Variants in NKTR observed in about 807,000 individuals in gnomAD.
The protein encoded by NKTR is NK-tumor recognition protein.
NKTR carries 67 observed loss-of-function variants against 156.3 expected under a neutral mutation model. The observed-to-expected ratio is 0.43, with a 90% CI of 0.35 to 0.53. The LOEUF (loss-of-function observed/expected upper bound fraction) is 0.53. Ranked by LOEUF, NKTR falls within the 20% of genes least tolerant of loss-of-function variation. NKTR has a pLI of 0.01. For synonymous variants in NKTR, 640 were observed against 596.6 expected (o/e 1.07, Z -1.06); for missense variants, 1,604 against 1,730.9 (o/e 0.93, Z 1.30).
At position 42,631,331 on chromosome 3, in the gene NKTR, G is replaced by T; in HGVS notation, c.550+15G>T. 6.2e-7 allele frequency: 1 copy of T among 1,611,580 alleles called. No homozygotes were observed. The highest frequency in any genetic ancestry group is 1.1e-5 in the South Asian group (1 of 90,850). On this transcript the variant is annotated intron_variant, in intron 8 of 16. Transcript: ENST00000232978. ...AATAAAAGATGGTAAGAACTTTTTT[G>T]ACAGTAGATGAAGCTAAGATGCAGG...
At chr3:42,629,018 T>TA in intron 6 of NKTR, 1 of 810,480 alleles carries the variant, frequency 1.2e-6, no homozygotes, top group Non-Finnish European at 1.5e-6. Flanking sequence ...AACAAACAAA[T>TA]AAAAATAAAA....
At chr3:42,631,089 C>G (rs1708860379) in intron 7 of NKTR, 82 bp from the exon 8 acceptor site, 1 of 1,550,076 alleles carries the variant, frequency 6.5e-7, no homozygotes, top group South Asian at 1.2e-5. Flanking sequence ...GTGGACATGT[C>G]ATTGATTACA....
chr3:42,606,868 C>CA (rs1422743707), intron 2 of NKTR, among the ~76,000 whole-genome samples: 1 of 150,104 alleles, frequency 6.7e-6, no homozygotes, highest in Non-Finnish European at 1.5e-5. Flanking sequence ...TTTCGTTTGG[C>CA]TTTTTTTTTA....
intron 2 of NKTR, among the ~76,000 whole-genome samples, chr3:42,612,000 C>G (rs1706867966): frequency 6.6e-6 from 1 of 152,172 alleles, no homozygotes. Context: ...ATTCAGGAGG[C>G]TGAGGCAGGA....
chr3:42,634,272 T>A (rs1461346060), intron 10 of NKTR, among the ~76,000 whole-genome samples: 2 of 152,210 alleles, frequency 1.3e-5, no homozygotes, highest in Non-Finnish European at 2.9e-5. Context: ...GAAAATAGTA[T>A]TTAATGTATT....
chr3:42,610,266 A>G (rs933953092), intron 2 of NKTR, among the ~76,000 whole-genome samples: 2 of 152,074 alleles, frequency 1.3e-5, no homozygotes, highest in African/African-American at 2.4e-5. Context: ...ACCGCCTCCC[A>G]AAGTGCTGGG....
chr3:42,638,732 C>G lies in NKTR; in HGVS notation c.3028C>G (p.Arg1010Gly). Residue 1010 changes from arginine to glycine, a missense_variant, in exon 13 of 17, where the codon CGA becomes GGA. By Grantham distance (125) the Arg-to-Gly change is moderately radical. This residue lies in a region of NKTR where 1,255 missense variants were observed against 1,243.7 expected (regional missense o/e 1.01). Transcript: ENST00000232978. ...AGACAAAAAGCATAAGGCTCCAAAA[C>G]GAAAGCAAGCATTTCACTGGCAGCC... ...KKDKKHKAPK[R>G]KQAFHWQPPL... 6.2e-7 allele frequency: 1 copy of G among 1,613,910 alleles called. No homozygotes were observed. Among genetic ancestry groups the G allele is most frequent in the Non-Finnish European group, 8.5e-7 (1 of 1,179,998 alleles).
intron 2 of NKTR, among the ~76,000 whole-genome samples, chr3:42,617,002 C>CT (rs1282020344): frequency 6.6e-6 from 1 of 152,172 alleles, no homozygotes; most frequent in Non-Finnish European, 1.5e-5. Context: ...GCAACCCTCC[C>CT]TGCCTCAGCC....
chr3:42,617,777 T>G, intron 3 of NKTR, 133 bp downstream of exon 3: 1 of 543,360 alleles, frequency 1.8e-6, no homozygotes, highest in Non-Finnish European at 3.3e-6. Context: ...AAAGAGTTAC[T>G]TATACTGACT....
At chr3:42,607,404 T>G (rs891069629) in intron 2 of NKTR, among the ~76,000 whole-genome samples, 12 of 152,206 alleles carry the variant, frequency 7.9e-5, no homozygotes, top group African/African-American at 2.7e-4. Flanking sequence ...CAACAGATTA[T>G]TTATTTAAAA....
At chr3:42,617,128 G>T (rs1707447325) in intron 2 of NKTR, among the ~76,000 whole-genome samples, 1 of 152,116 alleles carries the variant, frequency 6.6e-6, no homozygotes, top group South Asian at 2.1e-4. Context: ...CTTAAAGGAA[G>T]AAAGCTGAAA....
Position 42,639,219 on chromosome 3 carries a change from A to G in NKTR, c.3515A>G (p.Gln1172Arg), listed in dbSNP as rs773594664. The G allele has an allele frequency of 1.9e-6, 3 of 1,614,060 alleles. No individual in the cohort carries two copies. The highest frequency in any genetic ancestry group is 2.2e-5 in the East Asian group (1 of 44,902). ...CAGGATATGGCAACGGAACATCCTC[A>G]AGCAGAGGTAGTAAAACAGGAAAGC... ...LKQDMATEHP[Q>R]AEVVKQESSM... is the part of the protein sequence containing the mutation. The change falls in exon 13 of 17, where the codon CAA becomes CGA. Residue 1172 changes from glutamine to arginine, a missense_variant. Coordinates refer to ENST00000232978, the MANE Select transcript of NKTR (RefSeq NM_005385.4).
intron 6 of NKTR, among the ~76,000 whole-genome samples, chr3:42,626,577 A>G (rs1017135438): frequency 6.6e-6 from 1 of 152,160 alleles, no homozygotes; most frequent in Non-Finnish European, 1.5e-5. Flanking sequence ...TCAGTGACTT[A>G]ACTTCAATGT....
intron 2 of NKTR, among the ~76,000 whole-genome samples, chr3:42,607,969 C>T (rs922072846): frequency 8.4e-4 from 63 of 74,940 alleles, no homozygotes; most frequent in South Asian, 2.3e-3. Context: ...CTGAGTCGCT[C>T]TTTTTTTTTT....
intron 2 of NKTR, among the ~76,000 whole-genome samples, chr3:42,615,028 T>C (rs1707211180): frequency 6.6e-6 from 1 of 152,104 alleles, no homozygotes. Flanking sequence ...AAAGACTTTT[T>C]TTTTTGCTCC....
At chr3:42,611,723 ACT>A (rs1331297799) in intron 2 of NKTR, among the ~76,000 whole-genome samples, 3 of 132,560 alleles carry the variant, frequency 2.3e-5, no homozygotes, top group Non-Finnish European at 4.7e-5. Flanking sequence ...ACAGAGTGAG[ACT>A]CTGTCTCAAA....
Position 42,637,937 on chromosome 3 carries a change from A to C in NKTR, c.2233A>C (p.Thr745Pro). The C allele has an allele frequency of 1.2e-6, 2 of 1,613,932 alleles. No individual in the cohort carries two copies. The highest frequency in any genetic ancestry group is 1.3e-5 in the African/African-American group (1 of 75,050). The change falls in exon 13 of 17, where the codon ACT becomes CCT. Residue 745 changes from threonine to proline, a missense_variant. By Grantham distance (38) the Thr-to-Pro change is conservative. This residue lies in a region of NKTR where 1,255 missense variants were observed against 1,243.7 expected (regional missense o/e 1.01). Coordinates refer to ENST00000232978, the MANE Select transcript of NKTR (RefSeq NM_005385.4). ...ACAGTGTAGTAGATCATCTTCATAT[A>C]CTTCTATTAGCAGTGATGATGGAAG... Reference protein sequence around the residue: ...HSQCSRSSSYTSISSDDGRRA... With the variant: ...HSQCSRSSSYPSISSDDGRRA...
intron 6 of NKTR, chr3:42,626,998 TTTC>T (rs1191109030): frequency 4.6e-6 from 1 of 217,488 alleles, no homozygotes; most frequent in Non-Finnish European, 7.8e-6. Context: ...CCACGATGCT[TTTC>T]TTAAGCATAA....
chr3:42,638,961 A>G lies in NKTR; in HGVS notation c.3257A>G (p.Asp1086Gly). The change falls in exon 13 of 17, where the codon GAT (aspartate) becomes GGT (glycine). Residue 1086 changes from aspartate (D) to glycine (G), a missense_variant. Coordinates refer to ENST00000232978, the MANE Select transcript of NKTR (RefSeq NM_005385.4). ...SSDLDQFTKD[D>G]SKLSISPTAL... ...GATCTTGATCAGTTTACTAAAGATG[A>G]TAGTAAACTCAGTATTTCTCCCACA... The G allele has an allele frequency of 6.2e-7, 1 of 1,612,980 alleles. No individual in the cohort carries two copies. Among genetic ancestry groups the G allele is most frequent in the Non-Finnish European group, 8.5e-7 (1 of 1,179,088 alleles).
Sources: allele counts gnomAD v4.1 joint callset (sites outside exome capture counted in the v4.1 genomes callset), GRCh38; gene constraint gnomAD v4.1.1; regional missense constraint gnomAD v4.1.1; transcripts MANE v1.5; gene names NCBI Gene and HGNC (gene_info 2026-07-23, HGNC 2026-07-21).